SLC60A1: variants seen among roughly 807,000 people sequenced by gnomAD.
SLC60A1 encodes the protein solute carrier family 60 member 1, also known as major facilitator superfamily domain containing 4.
the SLC60A1 span, among the ~76,000 whole-genome samples, chr1:205,590,665 T>C: frequency 6.6e-6 from 1 of 152,266 alleles, no homozygotes; most frequent in Non-Finnish European, 1.5e-5. Context: ...AGTCTTTCCT[T>C]TCTGCATGCC....
At chr1:205,583,605 C>T in the SLC60A1 span, among the ~76,000 whole-genome samples, 3 of 152,196 alleles carry the variant, frequency 2.0e-5, no homozygotes, top group African/African-American at 7.2e-5. Flanking sequence ...TAAAGCATCA[C>T]GCAACCCACC....
chr1:205,585,540 C>T, the SLC60A1 span, among the ~76,000 whole-genome samples: 29 of 152,262 alleles, frequency 1.9e-4, no homozygotes, highest in Middle Eastern at 0.017. The surrounding 1 kb of genome is among the most constrained non-coding windows in gnomAD (Gnocchi z 4.2). Flanking sequence ...ATATGATGAC[C>T]TCTCCAGAGA....
chr1:205,581,774 G>A, the SLC60A1 span, among the ~76,000 whole-genome samples: 1 of 152,300 alleles, frequency 6.6e-6, no homozygotes, highest in East Asian at 1.9e-4. The surrounding 1 kb of genome is among the most constrained non-coding windows in gnomAD (Gnocchi z 4.2). Flanking sequence ...TGGGGCAGGT[G>A]GGCTGGACTC....
At chr1:205,592,085 C>A in the SLC60A1 span, 13 of 1,604,502 alleles carry the variant, frequency 8.1e-6, no homozygotes, top group Non-Finnish European at 1.1e-5. Flanking sequence ...CGGTTCCTCA[C>A]CACCGATGCT....
At chr1:205,591,718 A>G in the SLC60A1 span, among the ~76,000 whole-genome samples, 1 of 152,094 alleles carries the variant, frequency 6.6e-6, no homozygotes, top group Non-Finnish European at 1.5e-5. Context: ...GGCTTTCAGG[A>G]GAAGAGAAGC....
chr1:205,597,373 GTT>G, the SLC60A1 span, among the ~76,000 whole-genome samples: 1,650 of 37,226 alleles, frequency 0.044, 88 homozygotes, highest in African/African-American at 0.098. Context: ...AACCTAGGTT[GTT>G]TTTTTTTTTT....
At chr1:205,588,139 C>A in the SLC60A1 span, among the ~76,000 whole-genome samples, 1 of 152,112 alleles carries the variant, frequency 6.6e-6, no homozygotes, top group Non-Finnish European at 1.5e-5. Context: ...AAGTGACTCC[C>A]AAATACATTA....
At chr1:205,601,552 A>C in the SLC60A1 span, 2 of 152,206 alleles carry the variant, frequency 1.3e-5, no homozygotes, top group East Asian at 1.9e-4. Context: ...AGACTTTCTG[A>C]AAATACCTAA....
the SLC60A1 span, chr1:205,580,770 C>G: frequency 1.2e-6 from 2 of 1,614,210 alleles, no homozygotes; most frequent in Non-Finnish European, 1.7e-6. The surrounding 1 kb of genome is among the most constrained non-coding windows in gnomAD (Gnocchi z 5.0). Flanking sequence ...AACACCACCT[C>G]CCGAGGCCAC....
the SLC60A1 span, chr1:205,579,717 C>G: frequency 1.9e-6 from 3 of 1,602,370 alleles, no homozygotes; most frequent in South Asian, 3.3e-5. Context: ...ATGCTTCCAG[C>G]CCCATCCCCT....
At chr1:205,596,053 A>G in the SLC60A1 span, among the ~76,000 whole-genome samples, 1 of 152,234 alleles carries the variant, frequency 6.6e-6, no homozygotes, top group African/African-American at 2.4e-5. Context: ...GAGCAAAGGC[A>G]CAGAGACAAG....
At chr1:205,583,246 T>C in the SLC60A1 span, among the ~76,000 whole-genome samples, 2 of 152,172 alleles carry the variant, frequency 1.3e-5, no homozygotes, top group Admixed American at 1.3e-4. Context: ...CGATTTAGCA[T>C]AAATAGCAGC....
At chr1:205,594,647 CAAAA>C in the SLC60A1 span, among the ~76,000 whole-genome samples, 38 of 132,788 alleles carry the variant, frequency 2.9e-4, no homozygotes, top group African/African-American at 5.7e-4. Context: ...GACTCTGTCT[CAAAA>C]AAAAAAAAAA....
chr1:205,587,957 A>G, the SLC60A1 span, among the ~76,000 whole-genome samples: 1 of 152,178 alleles, frequency 6.6e-6, no homozygotes, highest in Admixed American at 6.5e-5. Flanking sequence ...GGCATTGCCC[A>G]TAGACACTCA....
the SLC60A1 span, among the ~76,000 whole-genome samples, chr1:205,582,054 C>A: frequency 6.6e-6 from 1 of 152,206 alleles, no homozygotes; most frequent in African/African-American, 2.4e-5. Context: ...TTCCCTGGCC[C>A]GAATCTCCTC....
chr1:205,580,800 T>C, the SLC60A1 span: 1 of 1,613,908 alleles, frequency 6.2e-7, no homozygotes, highest in Non-Finnish European at 8.5e-7. The surrounding 1 kb of genome is among the most constrained non-coding windows in gnomAD (Gnocchi z 5.0). Flanking sequence ...GTCTCCAGGG[T>C]GCTGGGCCAG....
At chr1:205,590,906 T>C in the SLC60A1 span, among the ~76,000 whole-genome samples, 2 of 152,168 alleles carry the variant, frequency 1.3e-5, no homozygotes, top group African/African-American at 4.8e-5. Context: ...TCTGTATTAT[T>C]TCACCACCAC....
At chr1:205,584,502 G>A in the SLC60A1 span, among the ~76,000 whole-genome samples, 6 of 149,516 alleles carry the variant, frequency 4.0e-5, no homozygotes, top group South Asian at 4.3e-4. Flanking sequence ...GGGATTATAG[G>A]TGTAAGCCAC....
the SLC60A1 span, chr1:205,598,959 A>G: frequency 1.2e-6 from 1 of 847,874 alleles, no homozygotes; most frequent in Non-Finnish European, 1.9e-6. Flanking sequence ...CTCCAGACAC[A>G]TCAACTTGAA....
Sources: allele counts gnomAD v4.1 joint callset (sites outside exome capture counted in the v4.1 genomes callset), GRCh38; gene constraint gnomAD v4.1.1; non-coding constraint Gnocchi (gnomAD v3.1); transcripts MANE v1.5; gene names NCBI Gene and HGNC (gene_info 2026-07-23, HGNC 2026-07-21).